Variants in MYH1 observed in about 807,000 individuals in gnomAD.
The protein encoded by MYH1 is myosin heavy chain 1, also known as myosin-1.
MYH1 carries 214 observed loss-of-function variants against 225.6 expected under a neutral mutation model. The observed-to-expected ratio is 0.95, with a 90% CI of 0.85 to 1.06. The LOEUF (loss-of-function observed/expected upper bound fraction) is 1.06. Among genes scored for constraint, MYH1 ranks in the 50% least tolerant of loss-of-function variants. The pLI is 0.00. For synonymous variants in MYH1, 774 were observed against 842.3 expected, an observed-to-expected ratio of 0.92 and a Z score of 1.40; for missense variants, 2,098 against 2,344.2, an observed-to-expected ratio of 0.89 and a Z score of 2.17.
chr17:10,495,844 A>G, intron 35 of MYH1, 106 bp downstream of exon 35: 1 of 1,342,656 alleles, frequency 7.4e-7, no homozygotes, highest in Admixed American at 2.4e-5. Context: ...TTTAAACTTT[A>G]TCCTTCATGA....
Position 10,514,141 on chromosome 17 carries a change from G to A in MYH1, c.534-17C>T, listed in dbSNP as rs748956809. 6 of 1,612,890 alleles carry A rather than the reference G, an allele frequency of 3.7e-6. No individual in the cohort carries two copies. Among genetic ancestry groups the A allele is most frequent in the South Asian group, 2.2e-5 (2 of 91,054 alleles). ...GATTCTCCGCTGTCAAAGACCAAACGTATGAGAAATTAAGCACTGTGACAA... is the reference window on the plus strand; with the variant it reads ...GATTCTCCGCTGTCAAAGACCAAACATATGAGAAATTAAGCACTGTGACAA... On this transcript the variant is annotated splice_polypyrimidine_tract_variant and intron_variant, in intron 6 of 39. Coordinates refer to ENST00000226207, the MANE Select transcript of MYH1 (RefSeq NM_005963.4).
At position 10,492,508 on chromosome 17, in the gene MYH1, C is replaced by A. The variant is rs199500054; in HGVS notation, c.5728G>T (p.Ala1910Ser). Reference sequence around the variant, plus strand: ...TCAGCAATGTCAGCCCGTTCCTCGGCCTCCTCCAGCTCGTGCTGGATCCTG... The same window carrying A: ...TCAGCAATGTCAGCCCGTTCCTCGGACTCCTCCAGCTCGTGCTGGATCCTG... ...FRRIQHELEE[A>S]EERADIAESQ... Residue 1910 changes from alanine to serine, a missense_variant, in exon 40 of 40, where the codon GCC (alanine) becomes TCC (serine). Transcript: ENST00000226207. 1 of 1,614,160 alleles carries A rather than the reference C, an allele frequency of 6.2e-7. No homozygotes were observed. The highest frequency in any genetic ancestry group is 2.2e-5 in the East Asian group (1 of 44,876).
intron 19 of MYH1, 84 bp from the exon 20 acceptor site, chr17:10,505,595 C>T (rs979487054): frequency 3.3e-6 from 5 of 1,496,144 alleles, no homozygotes; most frequent in Admixed American, 4.1e-5. Flanking sequence ...AACATAGCCA[C>T]TGGGTAATCT....
At position 10,496,262 on chromosome 17, in the gene MYH1, C is replaced by G. The variant is rs2072992778; in HGVS notation, c.4944G>C (p.Arg1648Ser). The G allele has an allele frequency of 3.2e-5, 52 of 1,614,134 alleles. No homozygotes were observed. The highest frequency in any genetic ancestry group is 4.4e-5 in the Non-Finnish European group (52 of 1,180,022). Residue 1648 changes from arginine (R) to serine (S), a missense_variant, in exon 34 of 40, where the codon AGG becomes AGC. Physicochemically the swap from Arg to Ser is moderately radical, Grantham distance 110 (BLOSUM62 -1). Transcript: ENST00000226207. Reference sequence around the variant, plus strand: ...TTACCTTGAGGATGGCTTGGGTGTTCCTATAGTTCCTCAGGGCCTCAGCAG... The same window carrying G: ...TTACCTTGAGGATGGCTTGGGTGTTGCTATAGTTCCTCAGGGCCTCAGCAG... ...RMAAEALRNY[R>S]NTQAILKDTQ...
chr17:10,503,138 T>C lies in MYH1; in HGVS notation c.2802A>G (p.Glu934=). 1.9e-6 allele frequency: 3 copies of C among 1,613,692 alleles called. No homozygotes were observed. The highest frequency in any genetic ancestry group is 1.7e-5 in the Admixed American group (1 of 60,008). The change falls in exon 23 of 40, where the codon GAA becomes GAG. Residue 934 remains glutamate (E), a synonymous_variant. Transcript: ENST00000226207. ...TGGCTGTCAGCTCAGCATTGATCTC[T>C]TCCTCATCCTCAGCTCTCTCAGTCA... is the stretch of plus-strand genomic sequence containing the variant. The part of the protein sequence containing the change: ...KEVTERAEDE[E]EINAELTAKK...
chr17:10,500,791 A>G (rs769821045), intron 27 of MYH1, 39 bp from the exon 28 acceptor site: 2 of 1,613,386 alleles, frequency 1.2e-6, no homozygotes, highest in Non-Finnish European at 8.5e-7. Context: ...TCAAGTAAGT[A>G]GTTGGACCAA....
chr17:10,514,239 C>G (rs2073203350), intron 6 of MYH1, 115 bp from the exon 7 acceptor site: 5 of 1,220,644 alleles, frequency 4.1e-6, no homozygotes, highest in Non-Finnish European at 4.7e-6. Context: ...TTCTTTTCAG[C>G]CTACATATAG....
Position 10,501,596 on chromosome 17 carries a change from G to A in MYH1, c.3346C>T (p.Gln1116Ter). Reference protein sequence around the residue: ...MQLQKKIKELQARIEELEEEI... With the variant: ...MQLQKKIKEL Reference sequence around the variant, plus strand: ...CTGGCGAAAATCATTTAACGTACTTGTAACTCCTTGATTTTCTTCTGCAGC... The same window carrying A: ...CTGGCGAAAATCATTTAACGTACTTATAACTCCTTGATTTTCTTCTGCAGC... The change falls in exon 26 of 40, where the codon CAA becomes TAA. Residue 1116 changes from glutamine to a stop codon, truncating the protein, a stop_gained and splice_region_variant. Transcript: ENST00000226207. LOFTEE classifies it high-confidence loss of function. The A allele has an allele frequency of 6.2e-7, 1 of 1,614,192 alleles. No individual in the cohort carries two copies. The highest frequency in any genetic ancestry group is 8.5e-7 in the Non-Finnish European group (1 of 1,180,026).
At chr17:10,518,200 A>G (rs2073248360) in intron 2 of MYH1, 40 bp downstream of exon 2, 1 of 151,430 alleles carries the variant, frequency 6.6e-6, no homozygotes, top group African/African-American at 2.4e-5. Flanking sequence ...GATTCCTTGC[A>G]CTCTGTGAGG....
intron 30 of MYH1, among the ~76,000 whole-genome samples, 197 bp downstream of exon 30, chr17:10,498,429 A>G (rs1464104391): frequency 6.6e-6 from 1 of 152,262 alleles, no homozygotes; most frequent in East Asian, 1.9e-4. Context: ...TAATCCATTA[A>G]TAATAAAGAA....
intron 4 of MYH1, 36 bp downstream of exon 4, chr17:10,516,163 A>G: frequency 1.2e-6 from 2 of 1,613,586 alleles, no homozygotes; most frequent in Non-Finnish European, 1.7e-6. Flanking sequence ...ACTATTAACT[A>G]CTCTCATGAG....
chr17:10,501,937 G>C (rs1303605281), intron 24 of MYH1, 26 bp from the exon 25 acceptor site: 1 of 1,587,398 alleles, frequency 6.3e-7, no homozygotes. Context: ...CCATGAATAT[G>C]GTTCTTAGAA....
chr17:10,501,894 T>C lies in MYH1; in HGVS notation c.3129A>G (p.Glu1043=). 6.2e-7 allele frequency: 1 copy of C among 1,606,798 alleles called. No individual in the cohort carries two copies. The change falls in exon 25 of 40, where the codon GAA becomes GAG. Residue 1043 remains glutamate, a synonymous_variant. Coordinates refer to ENST00000226207, the MANE Select transcript of MYH1 (RefSeq NM_005963.4). Reference sequence around the variant, plus strand: ...GATCCATCCGGATTTTCTTTTCTTGTTCCAAAGATCCTTCAAGCTAAAAGT... The same window carrying C: ...GATCCATCCGGATTTTCTTTTCTTGCTCCAAAGATCCTTCAAGCTAAAAGT... ...QQVDDLEGSL[E]QEKKIRMDLE... is the part of the protein sequence containing the mutation.
chr17:10,508,755 T>C lies in MYH1; in HGVS notation c.1588-83A>G, dbSNP rs1327511556. ...ATTTAACATTAATAATTATCCCATC[T>C]GAGTAAATTCATCCTTTAATTCTAC... On this transcript the variant is annotated intron_variant, in intron 15 of 39. Transcript: ENST00000226207. The C allele has an allele frequency of 2.0e-6, 3 of 1,515,406 alleles. No homozygotes were observed. In the African/African-American group the frequency reaches 4.2e-5, roughly 21 times the overall value. 93.9% of individuals were successfully genotyped at this position (1,515,406 alleles called of 1,614,324 possible).
chr17:10,499,062 T>C lies in MYH1; in HGVS notation c.3896A>G (p.Asp1299Gly). Residue 1299 changes from aspartate (D) to glycine (G), a missense_variant, in exon 29 of 40, where the codon GAC becomes GGC. Physicochemically the swap from Asp to Gly is moderately conservative, Grantham distance 94. Transcript: ENST00000226207. ...GEYSRQLDEK[D>G]TLVSQLSRGK... ...CCTCGAGAGCTGTGAAACTAGTGTGTCCTTTTCATCTAGCTGGCGTGAATA... is the reference window on the plus strand; with the variant it reads ...CCTCGAGAGCTGTGAAACTAGTGTGCCCTTTTCATCTAGCTGGCGTGAATA... 6.2e-7 allele frequency: 1 copy of C among 1,614,048 alleles called. No homozygotes were observed. Among genetic ancestry groups the C allele is most frequent in the Admixed American group, 1.7e-5 (1 of 60,034 alleles).
intron 37 of MYH1, 128 bp downstream of exon 37, chr17:10,494,803 G>A: frequency 1.3e-6 from 2 of 1,588,160 alleles, no homozygotes; most frequent in Non-Finnish European, 1.7e-6. Flanking sequence ...CTTATTATGA[G>A]CTTTTGGGCA....
chr17:10,499,264 A>G (rs1350807866), intron 28 of MYH1, among the ~76,000 whole-genome samples, 172 bp from the exon 29 acceptor site: 1 of 152,198 alleles, frequency 6.6e-6, no homozygotes, highest in Non-Finnish European at 1.5e-5. Context: ...TAAAAATTAG[A>G]AGCATGGAGA....
chr17:10,494,206 G>A, intron 39 of MYH1, 148 bp downstream of exon 39: 1 of 642,426 alleles, frequency 1.6e-6, no homozygotes, highest in Non-Finnish European at 2.6e-6. Context: ...CTTGTCAGGT[G>A]GTTGGTTTTA....
Position 10,516,218 on chromosome 17 carries a change from T to C in MYH1, c.329A>G (p.Tyr110Cys). The change falls in exon 4 of 40, where the codon TAC becomes TGC. Residue 110 changes from tyrosine to cysteine, a missense_variant. Tyr to Cys is a radical substitution (Grantham distance 194, BLOSUM62 -2). Transcript: ENST00000226207. ...PAVLYNLKER[Y>C]AAWMIYTYSG... ...ACTCACGTAGATCATCCAGGCTGCG[T>C]AGCGCTCTTTGAGGTTGTACAGCAC... The C allele has an allele frequency of 6.2e-7, 1 of 1,614,214 alleles. No homozygotes were observed. The highest frequency in any genetic ancestry group is 2.2e-5 in the East Asian group (1 of 44,880).
Sources: allele counts gnomAD v4.1 joint callset (sites outside exome capture counted in the v4.1 genomes callset), GRCh38; gene constraint gnomAD v4.1.1; transcripts MANE v1.5; gene names NCBI Gene and HGNC (gene_info 2026-07-23, HGNC 2026-07-21).